ACTR3C: variants seen among roughly 807,000 people sequenced by gnomAD.
The protein encoded by ACTR3C is actin related protein 3C, also known as actin-related protein 3C.
Under a neutral mutation model 26.3 loss-of-function variants are expected in ACTR3C, and 18 were observed. The ratio of observed to expected loss-of-function variants is 0.68; its 90% CI spans 0.47 to 1.01. The LOEUF is 1.01. Ranked by LOEUF, ACTR3C falls within the 50% of genes least tolerant of loss-of-function variation. The probability of loss-of-function intolerance (pLI) is 0.00; values close to 1 mark genes in which losing one functional copy is unlikely to be tolerated. For missense variants in ACTR3C, 184 were observed against 250.7 expected, an observed-to-expected ratio of 0.73 and a Z score of 1.80; for synonymous variants, 55 against 94.5, an observed-to-expected ratio of 0.58 and a Z score of 2.42.
the ACTR3C span, chr7:150,044,787 A>T: frequency 6.6e-6 from 1 of 152,226 alleles, no homozygotes; most frequent in Non-Finnish European, 1.5e-5. Context: ...AAGGATTATA[A>T]AGGTATGCTG....
At chr7:150,039,191 G>C in the ACTR3C span, among the ~76,000 whole-genome samples, 1 of 148,398 alleles carries the variant, frequency 6.7e-6, no homozygotes, top group East Asian at 2.1e-4. Flanking sequence ...CGCCTCGCGG[G>C]GGGTGCCTCC....
the ACTR3C span, among the ~76,000 whole-genome samples, chr7:149,931,623 TGAAA>T: frequency 6.6e-6 from 1 of 152,090 alleles, no homozygotes; most frequent in Middle Eastern, 3.2e-3. Flanking sequence ...AAATAGAGAA[TGAAA>T]GAAAGTGTCA....
At chr7:149,959,170 A>G in the ACTR3C span, among the ~76,000 whole-genome samples, 12 of 151,878 alleles carry the variant, frequency 7.9e-5, no homozygotes, top group African/African-American at 2.9e-4. Context: ...AGCAGGGAAG[A>G]TGTGTGTTAA....
At chr7:150,272,458 A>C (rs397833285) in intron 6 of ACTR3C, among the ~76,000 whole-genome samples, 5,035 of 139,356 alleles carry the variant, frequency 0.036, 1,441 homozygotes, top group African/African-American at 0.15. Context: ...CAGAACTACT[A>C]TGATGGCTTA....
At chr7:150,139,841 A>T in the ACTR3C span, among the ~76,000 whole-genome samples, 1 of 152,220 alleles carries the variant, frequency 6.6e-6, no homozygotes, top group African/African-American at 2.4e-5. Context: ...CTGAGGGGAC[A>T]GCAAAGGAAA....
the ACTR3C span, among the ~76,000 whole-genome samples, chr7:149,928,381 CTTTTTTTT>C: frequency 9.4e-6 from 1 of 106,854 alleles, no homozygotes; most frequent in African/African-American, 3.4e-5. Flanking sequence ...TTTTGTATTT[CTTTTTTTT>C]TTTTTTTTTT....
At chr7:149,967,452 G>A in the ACTR3C span, among the ~76,000 whole-genome samples, 2 of 152,192 alleles carry the variant, frequency 1.3e-5, no homozygotes, top group East Asian at 1.9e-4. Flanking sequence ...GATTACAGGT[G>A]TTTGCCACCG....
At chr7:150,102,394 A>G in the ACTR3C span, among the ~76,000 whole-genome samples, 1 of 151,972 alleles carries the variant, frequency 6.6e-6, no homozygotes, top group South Asian at 2.1e-4. Context: ...AATATTCAGG[A>G]ACTTATTTTT....
At chr7:149,914,852 T>G in the ACTR3C span, among the ~76,000 whole-genome samples, 3 of 150,808 alleles carry the variant, frequency 2.0e-5, no homozygotes, top group African/African-American at 7.3e-5. Context: ...AAAAGGATTT[T>G]GGGAAGAAGG....
intron 1 of ACTR3C, among the ~76,000 whole-genome samples, chr7:150,297,561 C>CTT (rs1166047516): frequency 6.6e-6 from 1 of 152,202 alleles, no homozygotes; most frequent in Non-Finnish European, 1.5e-5. Flanking sequence ...GGAATAAAGA[C>CTT]TTTTCTTTGG....
the ACTR3C span, among the ~76,000 whole-genome samples, chr7:150,139,941 G>A: frequency 3.4e-4 from 52 of 152,248 alleles, no homozygotes; most frequent in African/African-American, 1.2e-3. Context: ...CACACAGTAT[G>A]AGGGCACCTG....
chr7:150,045,859 A>C, the ACTR3C span, among the ~76,000 whole-genome samples: 2 of 152,242 alleles, frequency 1.3e-5, no homozygotes, highest in African/African-American at 4.8e-5. Flanking sequence ...TCTCACTCCA[A>C]ACATCCACAA....
the ACTR3C span, among the ~76,000 whole-genome samples, chr7:149,968,189 T>C: frequency 6.6e-6 from 1 of 152,370 alleles, no homozygotes; most frequent in African/African-American, 2.4e-5. Context: ...GTCCCAGGCA[T>C]GGCTGCTGTC....
At chr7:150,081,725 T>G in the ACTR3C span, among the ~76,000 whole-genome samples, 1 of 151,356 alleles carries the variant, frequency 6.6e-6, no homozygotes, top group Non-Finnish European at 1.5e-5. Flanking sequence ...CACTAAGGGC[T>G]GTACTTAAAA....
chr7:150,280,115 G>A (rs1446884574), intron 6 of ACTR3C, among the ~76,000 whole-genome samples: 2 of 152,184 alleles, frequency 1.3e-5, no homozygotes, highest in Non-Finnish European at 2.9e-5. Flanking sequence ...CGGTTCTCAG[G>A]TTAGAAGCAC....
the ACTR3C span, among the ~76,000 whole-genome samples, chr7:150,207,034 A>G: frequency 4.7e-4 from 71 of 152,362 alleles, no homozygotes; most frequent in African/African-American, 1.7e-3. Context: ...AGAAGTAAAC[A>G]TAGAAAATGT....
chr7:150,157,319 G>A, the ACTR3C span, among the ~76,000 whole-genome samples: 16 of 152,062 alleles, frequency 1.1e-4, no homozygotes, highest in African/African-American at 3.9e-4. Flanking sequence ...CCTTGGGAGA[G>A]AATAGGCTGA....
the ACTR3C span, among the ~76,000 whole-genome samples, chr7:150,093,265 C>T: frequency 6.6e-6 from 1 of 151,186 alleles, no homozygotes; most frequent in Non-Finnish European, 1.5e-5. Flanking sequence ...AGCAGCTTCT[C>T]AGGGGTGAGA....
the ACTR3C span, among the ~76,000 whole-genome samples, chr7:149,997,693 C>T: frequency 1.3e-5 from 2 of 149,800 alleles, no homozygotes; most frequent in African/African-American, 4.9e-5. Flanking sequence ...AGCAAACCTC[C>T]ATTTTCTATC....
Sources: gnomAD v4.1 joint callset for allele counts (sites outside exome capture counted in the v4.1 genomes callset) on GRCh38, gnomAD v4.1.1 for gene constraint, MANE v1.5 for transcripts, NCBI Gene and HGNC (gene_info 2026-07-23, HGNC 2026-07-21) for gene names.